The following PRTFDC1 variants were observed in gnomAD, a reference collection of about 807,000 sequenced individuals.
PRTFDC1 encodes the protein phosphoribosyltransferase domain-containing protein 1.
Under a neutral mutation model 34.6 loss-of-function variants are expected in PRTFDC1, and 38 were observed. That is an observed-to-expected ratio of 1.10 (90% confidence interval 0.85 to 1.44). The LOEUF is 1.44. PRTFDC1 is among the 40% of genes most tolerant of loss of function. PRTFDC1 has a pLI of 0.00. For missense variants in PRTFDC1, 270 were observed against 283.0 expected (o/e 0.95, Z 0.33); for synonymous variants, 93 against 98.1 (o/e 0.95, Z 0.31).
chr10:24,897,459 T>C (rs1312666280), intron 3 of PRTFDC1, among the ~76,000 whole-genome samples: 3 of 152,170 alleles, frequency 2.0e-5, no homozygotes, highest in Admixed American at 2.0e-4. Flanking sequence ...GTTGTGGTAT[T>C]TAGGATAAAA....
intron 8 of PRTFDC1, among the ~76,000 whole-genome samples, chr10:24,851,078 A>G (rs1042177124): frequency 8.5e-5 from 13 of 152,214 alleles, no homozygotes; most frequent in African/African-American, 2.9e-4. Flanking sequence ...AATATTGGCT[A>G]TTGTTATGGT....
At chr10:24,895,687 GGATATATATATATA>G (rs1463811145) in intron 3 of PRTFDC1, among the ~76,000 whole-genome samples, 6 of 30,834 alleles carry the variant, frequency 1.9e-4, no homozygotes, top group African/African-American at 7.1e-4. Context: ...GAGCTGGGGT[GGATATATATATATA>G]TATATATATA....
chr10:24,952,394 G>T lies in PRTFDC1; in HGVS notation c.48+134C>A. ...GAGGCCCGGGTCCGAGGATGGAAGC[G>T]ATCCCCGCCGGGAGGGAGAACAAAG... On this transcript the variant is annotated intron_variant, in intron 1 of 8. Transcript: ENST00000320152. This position sits in a 1 kb window ranked among gnomAD's most constrained non-coding sequence, Gnocchi z 5.1. The T allele has an allele frequency of 9.4e-7, 1 of 1,060,016 alleles. No individual in the cohort carries two copies. Among genetic ancestry groups the T allele is most frequent in the Non-Finnish European group, 1.4e-6 (1 of 713,640 alleles). The allele number at this position is 1,060,016 out of a possible 1,614,324, so 65.7% of individuals were successfully genotyped here.
chr10:24,908,134 C>G (rs1257045099), intron 3 of PRTFDC1, among the ~76,000 whole-genome samples: 1 of 150,536 alleles, frequency 6.6e-6, no homozygotes, highest in Admixed American at 6.6e-5. Context: ...GTAAGTTTCA[C>G]TGAGTACTGC....
At chr10:24,861,393 G>T (rs981769557) in intron 4 of PRTFDC1, among the ~76,000 whole-genome samples, 4 of 152,164 alleles carry the variant, frequency 2.6e-5, no homozygotes, top group Middle Eastern at 3.4e-3. Flanking sequence ...CTAGCCACTT[G>T]GGAGATTGAG....
intron 5 of PRTFDC1, among the ~76,000 whole-genome samples, chr10:24,857,612 G>C (rs1174610030): frequency 6.6e-6 from 1 of 152,192 alleles, no homozygotes; most frequent in Non-Finnish European, 1.5e-5. Context: ...GTCATGAGCT[G>C]ATTATCAAAA....
intron 4 of PRTFDC1, among the ~76,000 whole-genome samples, chr10:24,866,231 G>A (rs1311359647): frequency 6.6e-6 from 1 of 151,728 alleles, no homozygotes; most frequent in East Asian, 1.9e-4. Flanking sequence ...TATGGTGGTG[G>A]GCTCCTCTAA....
chr10:24,909,650 C>T (rs1423480974), intron 3 of PRTFDC1, among the ~76,000 whole-genome samples: 1 of 152,128 alleles, frequency 6.6e-6, no homozygotes. Context: ...GACAAATATG[C>T]TATACCTGGC....
chr10:24,872,925 G>A (rs971272802), intron 3 of PRTFDC1, among the ~76,000 whole-genome samples: 3 of 149,058 alleles, frequency 2.0e-5, no homozygotes, highest in African/African-American at 4.9e-5. Flanking sequence ...CTTCTGTCTC[G>A]GCTTCCCAAG....
At chr10:24,883,837 T>C (rs1161861648) in intron 3 of PRTFDC1, among the ~76,000 whole-genome samples, 1 of 150,136 alleles carries the variant, frequency 6.7e-6, no homozygotes, top group Non-Finnish European at 1.5e-5. Flanking sequence ...TTTTTTTTTT[T>C]TTTATAAGAC....
chr10:24,878,024 T>G (rs1402889951), intron 3 of PRTFDC1, among the ~76,000 whole-genome samples: 1 of 151,484 alleles, frequency 6.6e-6, no homozygotes, highest in Non-Finnish European at 1.5e-5. Context: ...CTCACGCCTG[T>G]AATCCCAGCA....
chr10:24,942,458 T>C, intron 1 of PRTFDC1, 22 bp from the exon 2 acceptor site: 1 of 1,579,092 alleles, frequency 6.3e-7, no homozygotes, highest in Non-Finnish European at 8.7e-7. Context: ...ATTATTTTGG[T>C]TATGGTATTT....
chr10:24,908,403 G>A, intron 3 of PRTFDC1: 2 of 1,443,766 alleles, frequency 1.4e-6, no homozygotes, highest in Non-Finnish European at 1.9e-6. Context: ...CAGACACAGT[G>A]TCCAGTTTCT....
intron 3 of PRTFDC1, among the ~76,000 whole-genome samples, chr10:24,882,395 CTCTT>C (rs1848093899): frequency 6.6e-6 from 1 of 152,054 alleles, no homozygotes; most frequent in Non-Finnish European, 1.5e-5. Flanking sequence ...GGAATGAAAA[CTCTT>C]TCAGCACAGC....
chr10:24,939,871 A>G (rs1433856548), intron 2 of PRTFDC1, among the ~76,000 whole-genome samples: 2 of 152,088 alleles, frequency 1.3e-5, no homozygotes, highest in South Asian at 2.1e-4. Flanking sequence ...AAATGGATGG[A>G]GTAAGACATG....
intron 3 of PRTFDC1, among the ~76,000 whole-genome samples, chr10:24,918,234 G>T (rs1364164138): frequency 2.0e-5 from 3 of 151,892 alleles, no homozygotes; most frequent in Admixed American, 6.6e-5. Context: ...CAGGCACTTG[G>T]GTCCAACTTA....
intron 3 of PRTFDC1, among the ~76,000 whole-genome samples, chr10:24,877,176 C>T (rs1027185104): frequency 6.6e-6 from 1 of 152,102 alleles, no homozygotes; most frequent in African/African-American, 2.4e-5. Context: ...CTTCCTTAAT[C>T]AGGCACATAC....
intron 3 of PRTFDC1, among the ~76,000 whole-genome samples, chr10:24,932,249 A>G (rs1848983413): frequency 6.6e-6 from 1 of 151,956 alleles, no homozygotes; most frequent in Non-Finnish European, 1.5e-5. Flanking sequence ...AAAACAAGGC[A>G]AGGATGTTTT....
intron 3 of PRTFDC1, among the ~76,000 whole-genome samples, chr10:24,883,709 G>C (rs1848117733): frequency 6.6e-6 from 1 of 151,882 alleles, no homozygotes; most frequent in Non-Finnish European, 1.5e-5. Context: ...AACACATGGA[G>C]CCTCTTGACA....
Sources: gnomAD v4.1 joint callset for allele counts (sites outside exome capture counted in the v4.1 genomes callset) on GRCh38, gnomAD v4.1.1 for gene constraint, Gnocchi (gnomAD v3.1) non-coding constraint, MANE v1.5 for transcripts, NCBI Gene and HGNC (gene_info 2026-07-23, HGNC 2026-07-21) for gene names.